The following ATP10D variants were observed in gnomAD, a reference collection of about 807,000 sequenced individuals.
ATP10D encodes ATPase phospholipid transporting 10D (putative), also known as phospholipid-transporting ATPase VD.
Under a neutral mutation model 144.8 loss-of-function variants are expected in ATP10D, and 89 were observed. The observed-to-expected ratio is 0.61, with a 90% CI of 0.52 to 0.73. ATP10D has a LOEUF of 0.73. Among genes scored for constraint, ATP10D ranks in the 30% least tolerant of loss-of-function variants. ATP10D has a pLI of 0.00. For synonymous variants in ATP10D, 571 were observed against 615.1 expected, an observed-to-expected ratio of 0.93 and a Z score of 1.06; for missense variants, 1,603 against 1,714.8, an observed-to-expected ratio of 0.93 and a Z score of 1.15.
In ATP10D at chr4:47,568,841, C is replaced by T; in HGVS notation, c.2858C>T (p.Ala953Val). The T allele has an allele frequency of 6.2e-7, 1 of 1,612,572 alleles. No individual in the cohort carries two copies. The highest frequency in any genetic ancestry group is 8.5e-7 in the Non-Finnish European group (1 of 1,178,960). ...LFILNTQSKD[A>V]CGMLMSTILK... ...ACCTTTGCCTCTTGTTTCAAGGATGCCTGTGGGATGCTGATGAGCACAATT... is the reference window on the plus strand; with the variant it reads ...ACCTTTGCCTCTTGTTTCAAGGATGTCTGTGGGATGCTGATGAGCACAATT... Residue 953 changes from alanine to valine, a missense_variant, in exon 16 of 23, where the codon GCC becomes GTC. Transcript: ENST00000273859.
At chr4:47,589,417 G>C (rs1273246478) in intron 22 of ATP10D, among the ~76,000 whole-genome samples, 4 of 152,078 alleles carry the variant, frequency 2.6e-5, no homozygotes, top group Non-Finnish European at 4.4e-5. Context: ...CTTTGAAACT[G>C]GATAATGGGC....
chr4:47,567,899 T>C (rs1185237259), intron 15 of ATP10D, among the ~76,000 whole-genome samples: 1 of 152,212 alleles, frequency 6.6e-6, no homozygotes, highest in East Asian at 1.9e-4. Context: ...AAGCTTTGAG[T>C]GAGAGCTCTT....
chr4:47,591,489 T>C lies in ATP10D; in HGVS notation c.*108T>C. The C allele has an allele frequency of 1.1e-6, 1 of 906,360 alleles. No individual in the cohort carries two copies. Among genetic ancestry groups the C allele is most frequent in the Non-Finnish European group, 1.6e-6 (1 of 606,724 alleles). 56.1% of individuals were successfully genotyped at this position (906,360 alleles called of 1,614,324 possible). On this transcript the variant is annotated 3_prime_UTR_variant, in exon 23 of 23. Transcript: ENST00000273859. ...GTTTTTCCATAAGGGACATGAGCAT[T>C]TTACTAGGCTTGGAAGAGCTGACAT...
In ATP10D at chr4:47,525,541, C is replaced by A; in HGVS notation, c.691-16C>A. Reference sequence around the variant, plus strand: ...AACCTTGAATTCTTATTTTGTGATTCAAAAAATATTTTTAGGACTCTGAAG... The same window carrying A: ...AACCTTGAATTCTTATTTTGTGATTAAAAAAATATTTTTAGGACTCTGAAG... On this transcript the variant is annotated splice_polypyrimidine_tract_variant and intron_variant, in intron 4 of 22. Transcript: ENST00000273859. The A allele has an allele frequency of 1.3e-6, 2 of 1,582,396 alleles. No homozygotes were observed. Among genetic ancestry groups the A allele is most frequent in the Non-Finnish European group, 8.7e-7 (1 of 1,152,130 alleles).
At chr4:47,579,071 A>G (rs1295928549) in intron 19 of ATP10D, among the ~76,000 whole-genome samples, 1 of 152,210 alleles carries the variant, frequency 6.6e-6, no homozygotes, top group Non-Finnish European at 1.5e-5. Flanking sequence ...TTCATGGCAG[A>G]TATCACTAAT....
In ATP10D at chr4:47,558,968, C is replaced by T; in HGVS notation, c.2480C>T (p.Thr827Ile). 1 of 1,614,072 alleles carries T rather than the reference C, an allele frequency of 6.2e-7. No homozygotes were observed. Among genetic ancestry groups the T allele is most frequent in the Non-Finnish European group, 8.5e-7 (1 of 1,180,008 alleles). ...CAACAGATGATAGTAAGGGAGAAAA[C>T]CCAGAAGCACTTGGATGACTATGCC... ...EKQQMIVREKTQKHLDDYAKQ... is the reference protein window; with the variant it reads ...EKQQMIVREKIQKHLDDYAKQ... The change falls in exon 13 of 23, where the codon ACC becomes ATC. Residue 827 changes from threonine (T) to isoleucine (I), a missense_variant. Transcript: ENST00000273859.
intron 1 of ATP10D, among the ~76,000 whole-genome samples, chr4:47,511,016 A>G (rs969803261): frequency 6.6e-6 from 1 of 152,196 alleles, no homozygotes; most frequent in African/African-American, 2.4e-5. Flanking sequence ...CTTATAAAGC[A>G]CTATCTTATG....
intron 1 of ATP10D, among the ~76,000 whole-genome samples, chr4:47,494,249 G>C (rs775599760): frequency 6.6e-6 from 1 of 152,066 alleles, no homozygotes; most frequent in African/African-American, 2.4e-5. Flanking sequence ...GATCTTGGCT[G>C]TATTTGGGGA....
At position 47,498,704 on chromosome 4, in the gene ATP10D, A is replaced by G. The variant is rs1715526448; in HGVS notation, c.-38+13185A>G. On this transcript the variant is annotated intron_variant, in intron 1 of 22. Transcript: ENST00000273859. ...ATTAATGTTTGTTAATTCACTGAAA[A>G]GTATTCGTTGAGGGCATGTTATATG... 2.0e-5 allele frequency among the ~76,000 whole-genome samples: 3 copies of G among 152,238 alleles called. No homozygotes were observed. The South Asian group carries it at 6.2e-4, about 31-fold the overall frequency.
intron 3 of ATP10D, among the ~76,000 whole-genome samples, chr4:47,520,171 G>A (rs752200350): frequency 7.2e-5 from 11 of 152,138 alleles, no homozygotes; most frequent in African/African-American, 2.7e-4. Context: ...GGGCCTTCAC[G>A]AGTTCTCAGC....
chr4:47,514,797 T>A (rs2109402487), intron 2 of ATP10D, among the ~76,000 whole-genome samples: 1 of 152,208 alleles, frequency 6.6e-6, no homozygotes, highest in South Asian at 2.1e-4. Flanking sequence ...AGAGGGTTGA[T>A]CTTTATTTTG....
In ATP10D at chr4:47,535,623, A is replaced by T. The variant is rs767338156; in HGVS notation, c.883+8A>T. The T allele has an allele frequency of 2.5e-6, 4 of 1,600,318 alleles. No homozygotes were observed. The highest frequency in any genetic ancestry group is 3.4e-6 in the Non-Finnish European group (4 of 1,174,500). ...GCATTGTGGTTTATGCAGGTCGGTTATGTTTCTAATTTTCATTGTCTACTC... is the reference window on the plus strand; with the variant it reads ...GCATTGTGGTTTATGCAGGTCGGTTTTGTTTCTAATTTTCATTGTCTACTC... On this transcript the variant is annotated splice_region_variant and intron_variant, in intron 6 of 22. Coordinates refer to ENST00000273859, the MANE Select transcript of ATP10D (RefSeq NM_020453.4).
chr4:47,555,237 C>T (rs143098250), intron 11 of ATP10D, among the ~76,000 whole-genome samples: 335 of 152,300 alleles, frequency 2.2e-3, no homozygotes, highest in African/African-American at 7.6e-3. Flanking sequence ...CTCATAGGAA[C>T]GCGAACCCTA....
In ATP10D at chr4:47,558,945, A is replaced by G. The variant is rs771068074; in HGVS notation, c.2457A>G (p.Gln819=). The G allele has an allele frequency of 1.2e-5, 20 of 1,613,970 alleles. No homozygotes were observed. The highest frequency in any genetic ancestry group is 2.2e-5 in the South Asian group (2 of 91,060). Reference sequence around the variant, plus strand: ...CAGATGGAGCAAGTCTGGAGAAACAACAGATGATAGTAAGGGAGAAAACCC... The same window carrying G: ...CAGATGGAGCAAGTCTGGAGAAACAGCAGATGATAGTAAGGGAGAAAACCC... ...ASPDGASLEK[Q]QMIVREKTQK... Residue 819 remains glutamine (Q), a synonymous_variant, in exon 13 of 23, where the codon CAA becomes CAG. Coordinates refer to ENST00000273859, the MANE Select transcript of ATP10D (RefSeq NM_020453.4).
intron 9 of ATP10D, among the ~76,000 whole-genome samples, chr4:47,541,551 G>A (rs1718135971): frequency 6.6e-6 from 1 of 152,188 alleles, no homozygotes; most frequent in Non-Finnish European, 1.5e-5. Context: ...AGCTGAGTGT[G>A]TTATTTACAA....
intron 15 of ATP10D, among the ~76,000 whole-genome samples, chr4:47,566,692 C>T (rs1163627086): frequency 2.0e-5 from 3 of 152,116 alleles, no homozygotes; most frequent in Non-Finnish European, 4.4e-5. Context: ...TATGTAGTTG[C>T]CCCGAGCTCT....
At chr4:47,566,857 T>G (rs1009706271) in intron 15 of ATP10D, among the ~76,000 whole-genome samples, 1 of 152,224 alleles carries the variant, frequency 6.6e-6, no homozygotes, top group African/African-American at 2.4e-5. Context: ...TTAAATGCAT[T>G]GCCAACAGAC....
At chr4:47,500,537 TG>T (rs1191352640) in intron 1 of ATP10D, among the ~76,000 whole-genome samples, 5 of 152,182 alleles carry the variant, frequency 3.3e-5, no homozygotes, top group African/African-American at 1.2e-4. Context: ...ACTGACATGA[TG>T]TGAGTTGTAA....
intron 9 of ATP10D, among the ~76,000 whole-genome samples, chr4:47,543,052 T>C (rs1027745271): frequency 1.3e-5 from 2 of 152,214 alleles, no homozygotes; most frequent in East Asian, 3.9e-4. Context: ...ACAGTTTCAA[T>C]TACCTTTGGT....
Sources: gnomAD v4.1 joint callset for allele counts (sites outside exome capture counted in the v4.1 genomes callset) on GRCh38, gnomAD v4.1.1 for gene constraint, MANE v1.5 for transcripts, NCBI Gene and HGNC (gene_info 2026-07-23, HGNC 2026-07-21) for gene names.